The following C10orf90 variants were observed in gnomAD, a reference collection of about 807,000 sequenced individuals.
C10orf90 encodes chromosome 10 open reading frame 90.
Under a neutral mutation model 62.5 loss-of-function variants are expected in C10orf90, and 56 were observed. That is an observed-to-expected ratio of 0.90 (90% CI 0.72 to 1.12). C10orf90 has a LOEUF of 1.12. C10orf90 is among the 50% of genes most tolerant of loss of function. The pLI, the probability that C10orf90 is intolerant of heterozygous loss-of-function variation, is 0.00. For synonymous variants in C10orf90, 386 were observed against 340.4 expected (o/e 1.13, Z -1.47); for missense variants, 970 against 880.4 (o/e 1.10, Z -1.29).
At chr10:126,619,578 CT>C (rs1845607021) in intron 2 of C10orf90, among the ~76,000 whole-genome samples, 1 of 152,170 alleles carries the variant, frequency 6.6e-6, no homozygotes, top group South Asian at 2.1e-4. Context: ...AGATATCCTC[CT>C]TAACTAAGAA....
chr10:126,500,424 A>C (rs188182534), intron 4 of C10orf90, among the ~76,000 whole-genome samples: 1 of 152,368 alleles, frequency 6.6e-6, no homozygotes, highest in East Asian at 1.9e-4. Flanking sequence ...TACTCTTTAC[A>C]GATGGTTGAA....
intron 4 of C10orf90, among the ~76,000 whole-genome samples, chr10:126,498,535 C>T (rs2133864338): frequency 6.6e-6 from 1 of 152,266 alleles, no homozygotes; most frequent in Non-Finnish European, 1.5e-5. Context: ...ATTATGGAGT[C>T]ACAGAGCGGA....
At chr10:126,508,274 G>T (rs1862893580) in intron 3 of C10orf90, among the ~76,000 whole-genome samples, 1 of 151,516 alleles carries the variant, frequency 6.6e-6, no homozygotes, top group African/African-American at 2.4e-5. Flanking sequence ...GGTTGCTCAG[G>T]ATCTATGGGG....
chr10:126,458,907 C>T (rs1859763430), intron 7 of C10orf90, 133 bp downstream of exon 7: 1 of 972,130 alleles, frequency 1.0e-6, no homozygotes, highest in African/African-American at 1.7e-5. Flanking sequence ...GAGGGTCAGC[C>T]ACTTGGAGCC....
At chr10:126,639,727 T>C (rs191878161) in intron 2 of C10orf90, among the ~76,000 whole-genome samples, 167 of 152,366 alleles carry the variant, frequency 1.1e-3, no homozygotes, top group Non-Finnish European at 1.8e-3. Flanking sequence ...CATTTCTGTC[T>C]GACACAAAGC....
In C10orf90 at chr10:126,596,586, C is replaced by T. The variant is rs562809745; in HGVS notation, c.313+49979G>A. On this transcript the variant is annotated intron_variant, in intron 2 of 9. Coordinates refer to ENST00000488181, the MANE Select transcript of C10orf90 (RefSeq NM_001350921.2). The stretch of plus-strand genomic sequence containing the variant: ...CAACCTAGCAAACATCAAAGCTTAG[C>T]CTAGCCTACTTTCAATGTACTCAGA... 2.1e-4 allele frequency among the ~76,000 whole-genome samples: 32 copies of T among 152,220 alleles called. 1 individual carries two copies. The South Asian group carries it at 6.6e-3, about 32-fold the overall frequency.
chr10:126,563,639 C>A (rs901599012), intron 2 of C10orf90, among the ~76,000 whole-genome samples: 6 of 152,204 alleles, frequency 3.9e-5, no homozygotes, highest in Non-Finnish European at 8.8e-5. Context: ...CTATGATGAG[C>A]AAATATCCTG....
chr10:126,447,597 A>T (rs978337977), intron 7 of C10orf90, among the ~76,000 whole-genome samples: 1 of 152,202 alleles, frequency 6.6e-6, no homozygotes, highest in Non-Finnish European at 1.5e-5. Flanking sequence ...AGGCTTCAGT[A>T]TCTCACTTTC....
rs1845461887 is a variant in C10orf90, at chr10:126,612,629, T to C, written c.313+33936A>G. Among the ~76,000 whole-genome samples the C allele has an allele frequency of 2.0e-5, 3 of 152,166 alleles. No individual in the cohort carries two copies. The South Asian group carries it at 6.2e-4, about 32-fold the overall frequency. On this transcript the variant is annotated intron_variant, in intron 2 of 9. Transcript: ENST00000488181. ...TTTTTTATGTAGAAAAGCACAAAGT[T>C]AGGCCTCAAGCTCTCTCAGGTGGAC...
At chr10:126,501,687 G>A (rs1172958655) in intron 4 of C10orf90, among the ~76,000 whole-genome samples, 3 of 152,102 alleles carry the variant, frequency 2.0e-5, no homozygotes, top group Non-Finnish European at 1.5e-5. Flanking sequence ...TCCACAAAAA[G>A]TTCTTCCAAA....
chr10:126,648,215 G>A, intron 1 of C10orf90, among the ~76,000 whole-genome samples: 1 of 152,034 alleles, frequency 6.6e-6, no homozygotes. Context: ...TCCCAAGAAA[G>A]AACTACAGAT....
At chr10:126,466,457 AC>A (rs2133748879) in intron 4 of C10orf90, among the ~76,000 whole-genome samples, 1 of 152,272 alleles carries the variant, frequency 6.6e-6, no homozygotes, top group Admixed American at 6.5e-5. Context: ...GCTCATGACT[AC>A]CAACCCCTCT....
At chr10:126,432,466 T>C (rs1280537392) in intron 7 of C10orf90, among the ~76,000 whole-genome samples, 2 of 152,226 alleles carry the variant, frequency 1.3e-5, no homozygotes, top group Non-Finnish European at 2.9e-5. Flanking sequence ...TGGGAGAAGC[T>C]GGACAAGTCA....
chr10:126,504,648 G>A lies in C10orf90; in HGVS notation c.843C>T (p.Ala281=), dbSNP rs762705673. ...FQAPPALANG[A]HPGRHQRSFA... ...AAGATCTCTGATGCCGACCTGGATGGGCGCCATTGGCCAGAGCCGGGGGCG... is the reference window on the plus strand; with the variant it reads ...AAGATCTCTGATGCCGACCTGGATGAGCGCCATTGGCCAGAGCCGGGGGCG... The change falls in exon 4 of 10, where the codon GCC becomes GCT. Residue 281 remains alanine, a synonymous_variant. Coordinates refer to ENST00000488181, the MANE Select transcript of C10orf90 (RefSeq NM_001350921.2). This position sits in a 1 kb window ranked among gnomAD's most constrained non-coding sequence, Gnocchi z 4.1. The A allele has an allele frequency of 1.0e-4, 161 of 1,614,106 alleles. 4 individuals carry two copies. In the South Asian group the frequency reaches 1.2e-3, roughly 12 times the overall value.
intron 2 of C10orf90, among the ~76,000 whole-genome samples, chr10:126,515,327 C>T (rs941675400): frequency 6.6e-6 from 1 of 152,216 alleles, no homozygotes; most frequent in Admixed American, 6.5e-5. Context: ...TCACTCACCA[C>T]TCACTCACTC....
intron 2 of C10orf90, among the ~76,000 whole-genome samples, chr10:126,624,880 T>C (rs889690695): frequency 2.0e-5 from 3 of 152,152 alleles, no homozygotes; most frequent in Non-Finnish European, 2.9e-5. Context: ...ACACAGAACG[T>C]GGCAAGCTAG....
At chr10:126,524,749 G>A in intron 2 of C10orf90, 1 of 985,466 alleles carries the variant, frequency 1.0e-6, no homozygotes, top group Non-Finnish European at 1.2e-6. Context: ...ATGGCCCCTA[G>A]GGTGCCATCT....
intron 6 of C10orf90, 69 bp from the exon 7 acceptor site, chr10:126,459,286 T>G: frequency 2.5e-6 from 4 of 1,573,360 alleles, no homozygotes; most frequent in Non-Finnish European, 3.5e-6. Context: ...ATCTGTCTGA[T>G]GCAGCCAAGA....
At chr10:126,446,252 G>T (rs553593578) in intron 7 of C10orf90, among the ~76,000 whole-genome samples, 1 of 151,988 alleles carries the variant, frequency 6.6e-6, no homozygotes, top group East Asian at 1.9e-4. Context: ...CAAATCTGGG[G>T]AAGATATAAA....
Sources: gnomAD v4.1 joint callset for allele counts (sites outside exome capture counted in the v4.1 genomes callset) on GRCh38, gnomAD v4.1.1 for gene constraint, Gnocchi (gnomAD v3.1) non-coding constraint, MANE v1.5 for transcripts, NCBI Gene and HGNC (gene_info 2026-07-23, HGNC 2026-07-21) for gene names.